THSD4: variants seen among roughly 807,000 people sequenced by gnomAD.
THSD4 encodes thrombospondin type 1 domain containing 4, also known as thrombospondin type-1 domain-containing protein 4.
THSD4 carries 69 observed loss-of-function variants against 119.0 expected under a neutral mutation model. That is an observed-to-expected ratio of 0.58 (90% CI 0.48 to 0.71). THSD4 has a LOEUF of 0.71. Among genes scored for constraint, THSD4 ranks in the 30% least tolerant of loss-of-function variants. The probability of loss-of-function intolerance (pLI) is 0.00; values close to 1 mark genes in which losing one functional copy is unlikely to be tolerated. For missense variants in THSD4, 1,393 were observed against 1,391.1 expected, an observed-to-expected ratio of 1.00 and a Z score of -0.02; for synonymous variants, 524 against 540.4, an observed-to-expected ratio of 0.97 and a Z score of 0.42.
intron 6 of THSD4, among the ~76,000 whole-genome samples, chr15:71,283,433 T>G (rs2044680030): frequency 6.6e-6 from 1 of 152,210 alleles, no homozygotes; most frequent in East Asian, 1.9e-4. Flanking sequence ...TATTATCTCC[T>G]TAAGTAGTCT....
chr15:71,247,880 A>G (rs1173309907), intron 5 of THSD4, among the ~76,000 whole-genome samples: 2 of 152,236 alleles, frequency 1.3e-5, no homozygotes, highest in African/African-American at 2.4e-5. Context: ...CTTGATAGCT[A>G]GAGTTTTTGT....
At chr15:71,431,301 T>C (rs111364643) in intron 7 of THSD4, among the ~76,000 whole-genome samples, 7 of 152,200 alleles carry the variant, frequency 4.6e-5, no homozygotes, top group South Asian at 2.1e-4. Flanking sequence ...GCTTTTTCCA[T>C]TGGAATTATT....
At chr15:71,670,873 C>T (rs2051512574) in intron 8 of THSD4, among the ~76,000 whole-genome samples, 1 of 152,188 alleles carries the variant, frequency 6.6e-6, no homozygotes, top group Admixed American at 6.5e-5. Flanking sequence ...ATATGTGCCA[C>T]ATTTTCTTAA....
chr15:71,365,163 G>GTGTGTGTGTGTGTGTGTGTGTGTGTA (rs1596369666), intron 6 of THSD4, among the ~76,000 whole-genome samples: 1 of 151,230 alleles, frequency 6.6e-6, no homozygotes, highest in Non-Finnish European at 1.5e-5. Flanking sequence ...GTGTGTGTGT[G>GTGTGTGTGTGTGTGTGTGTGTGTGTA]TGTATGAGAG....
At chr15:71,465,328 T>G (rs1205676116) in intron 7 of THSD4, among the ~76,000 whole-genome samples, 1 of 152,220 alleles carries the variant, frequency 6.6e-6, no homozygotes, top group African/African-American at 2.4e-5. Context: ...AGGCTCCTAC[T>G]GCATCTTGGC....
chr15:71,197,846 T>C (rs2043733574), intron 3 of THSD4, among the ~76,000 whole-genome samples: 1 of 151,940 alleles, frequency 6.6e-6, no homozygotes, highest in South Asian at 2.1e-4. Flanking sequence ...GAGCAAGTGG[T>C]TATAGGGTGC....
intron 6 of THSD4, among the ~76,000 whole-genome samples, chr15:71,304,177 C>CA (rs1404627928): frequency 2.6e-5 from 4 of 152,120 alleles, no homozygotes; most frequent in Admixed American, 2.6e-4. Flanking sequence ...CTGCACCATG[C>CA]AAAGGTCAGG....
intron 7 of THSD4, among the ~76,000 whole-genome samples, chr15:71,583,723 A>G (rs1329173635): frequency 6.6e-6 from 1 of 151,954 alleles, no homozygotes; most frequent in African/African-American, 2.4e-5. Flanking sequence ...GAATTTTTCA[A>G]TTTTCTTCTG....
chr15:71,338,299 GAACACTCAGC>G (rs2045514061), intron 6 of THSD4, among the ~76,000 whole-genome samples: 2 of 141,952 alleles, frequency 1.4e-5, no homozygotes, highest in African/African-American at 5.3e-5. Context: ...GCTTCTTTCC[GAACACTCAGC>G]AGTAGGACAG....
chr15:71,311,868 A>G (rs1404267103), intron 6 of THSD4, among the ~76,000 whole-genome samples: 1 of 151,816 alleles, frequency 6.6e-6, no homozygotes, highest in Non-Finnish European at 1.5e-5. Context: ...TTCCACCTCC[A>G]TGCTGTCACC....
intron 2 of THSD4, 118 bp downstream of exon 2, chr15:71,141,674 G>T (rs1232565212): frequency 2.6e-6 from 3 of 1,153,734 alleles, no homozygotes; most frequent in Non-Finnish European, 2.4e-6. Flanking sequence ...TGATATTTTT[G>T]ATATAATACG....
intron 3 of THSD4, among the ~76,000 whole-genome samples, chr15:71,156,873 A>G (rs1328760461): frequency 3.9e-5 from 6 of 152,100 alleles, no homozygotes; most frequent in Admixed American, 3.9e-4. Flanking sequence ...TCCTTGTTGA[A>G]TGACTGACTG....
At chr15:71,524,121 A>G (rs1459496229) in intron 7 of THSD4, among the ~76,000 whole-genome samples, 4 of 152,188 alleles carry the variant, frequency 2.6e-5, no homozygotes, top group African/African-American at 9.7e-5. Context: ...GATGGCATCC[A>G]CCCTCTGAGA....
chr15:71,288,091 T>C (rs986737088), intron 6 of THSD4, among the ~76,000 whole-genome samples: 1 of 152,178 alleles, frequency 6.6e-6, no homozygotes. Context: ...TGATGAAACA[T>C]GTAAAATGCT....
chr15:71,337,552 T>C (rs553819082), intron 6 of THSD4, among the ~76,000 whole-genome samples: 4 of 152,228 alleles, frequency 2.6e-5, no homozygotes, highest in South Asian at 2.1e-4. Flanking sequence ...GCCTGATAAA[T>C]AGCTAAAAGG....
intron 2 of THSD4, among the ~76,000 whole-genome samples, chr15:71,144,827 A>G (rs1282367918): frequency 6.6e-6 from 1 of 152,232 alleles, no homozygotes; most frequent in Non-Finnish European, 1.5e-5. Context: ...GGGAATTATC[A>G]TTGAATCTTG....
At chr15:71,634,692 G>A (rs1302486506) in intron 7 of THSD4, among the ~76,000 whole-genome samples, 1 of 152,176 alleles carries the variant, frequency 6.6e-6, no homozygotes, top group African/African-American at 2.4e-5. Context: ...AAATGAGAGA[G>A]TAAGATCTCC....
chr15:71,650,432 G>A (rs535536691), intron 7 of THSD4, among the ~76,000 whole-genome samples: 10 of 152,272 alleles, frequency 6.6e-5, no homozygotes, highest in African/African-American at 2.4e-4. Context: ...TGCCCCAGAC[G>A]ATGCCTGCAC....
At chr15:71,361,075 A>G (rs1284093585) in intron 6 of THSD4, among the ~76,000 whole-genome samples, 1 of 152,182 alleles carries the variant, frequency 6.6e-6, no homozygotes, top group African/African-American at 2.4e-5. Flanking sequence ...AAAAAGGAGA[A>G]GAGGTGAGCA....
Sources: gnomAD v4.1 joint callset for allele counts (sites outside exome capture counted in the v4.1 genomes callset) on GRCh38, gnomAD v4.1.1 for gene constraint, MANE v1.5 for transcripts, NCBI Gene and HGNC (gene_info 2026-07-23, HGNC 2026-07-21) for gene names.